Variants in ATL2 observed in about 807,000 individuals in gnomAD.
The protein encoded by ATL2 is atlastin-2.
A neutral mutation model predicts 73.9 loss-of-function variants in ATL2; 31 were observed. The observed-to-expected ratio is 0.42, with a 90% CI of 0.32 to 0.57. ATL2 has a LOEUF of 0.57. Ranked by LOEUF, ATL2 falls within the 20% of genes least tolerant of loss-of-function variation. The probability of loss-of-function intolerance (pLI) is 0.14; values close to 1 mark genes in which losing one functional copy is unlikely to be tolerated. For missense variants in ATL2, 738 were observed against 702.6 expected, an observed-to-expected ratio of 1.05 and a Z score of -0.57; for synonymous variants, 291 against 237.5, an observed-to-expected ratio of 1.23 and a Z score of -2.07.
Position 38,298,448 on chromosome 2 carries a change from C to G in ATL2, c.1328G>C (p.Arg443Pro), listed in dbSNP as rs142044948. 1 of 1,614,138 alleles carries G rather than the reference C, an allele frequency of 6.2e-7. No individual in the cohort carries two copies. Residue 443 changes from arginine (R) to proline (P), a missense_variant, in exon 12 of 13, where the codon CGT (arginine) becomes CCT (proline). Physicochemically the swap from Arg to Pro is moderately radical, Grantham distance 103. Transcript: ENST00000378954. ...TTCAGCTTCAAGCTGGTCCTGATAA[C>G]GACGGCAGAACTCATCTCCACCCAT... is the stretch of plus-strand genomic sequence containing the variant. ...KKMGGDEFCR[R>P]YQDQLEAEIE... is the part of the protein sequence containing the mutation.
At chr2:38,320,741 A>G (rs765479117) in intron 2 of ATL2, among the ~76,000 whole-genome samples, 1 of 152,202 alleles carries the variant, frequency 6.6e-6, no homozygotes, top group African/African-American at 2.4e-5. Context: ...CTAGTCTAAA[A>G]CAAATTACAA....
chr2:38,332,437 C>A (rs1240650521), intron 2 of ATL2, among the ~76,000 whole-genome samples: 2 of 152,120 alleles, frequency 1.3e-5, no homozygotes, highest in East Asian at 1.9e-4. Flanking sequence ...AACTCCTGGG[C>A]TCAAGCAATC....
intron 9 of ATL2, among the ~76,000 whole-genome samples, chr2:38,303,890 G>C (rs962996106): frequency 2.0e-5 from 3 of 152,154 alleles, no homozygotes; most frequent in Admixed American, 1.3e-4. Context: ...CCAGCACTTT[G>C]GGAGGTCAAG....
chr2:38,377,225 T>C lies in ATL2; in HGVS notation c.36A>G (p.Gln12=), dbSNP rs371125036. The C allele has an allele frequency of 7.5e-6, 12 of 1,605,604 alleles. No homozygotes were observed. In the African/African-American group the frequency reaches 1.2e-4, roughly 16 times the overall value. Reference sequence around the variant, plus strand: ...GCCGGCGCCACAGCCCCTGGTGCGGTTGCTGCCCTCGCGCTGCCTCGTCCC... The same window carrying C: ...GCCGGCGCCACAGCCCCTGGTGCGGCTGCTGCCCTCGCGCTGCCTCGTCCC... ...AEGDEAARGQ[Q]PHQGLWRRRR... Residue 12 remains glutamine, a synonymous_variant, in exon 1 of 13, where the codon CAA becomes CAG. Transcript: ENST00000378954.
At chr2:38,357,810 T>C (rs1421761968) in intron 1 of ATL2, among the ~76,000 whole-genome samples, 3 of 152,164 alleles carry the variant, frequency 2.0e-5, no homozygotes, top group African/African-American at 7.2e-5. Flanking sequence ...CTAGTACATA[T>C]GCTTAAAAAT....
intron 1 of ATL2, among the ~76,000 whole-genome samples, chr2:38,356,636 A>C (rs1376070126): frequency 6.6e-6 from 1 of 152,240 alleles, no homozygotes; most frequent in African/African-American, 2.4e-5. Context: ...GACATGTATA[A>C]AAGTTGTTCC....
chr2:38,339,439 T>A (rs1339856068), intron 2 of ATL2, among the ~76,000 whole-genome samples: 2 of 152,104 alleles, frequency 1.3e-5, no homozygotes, highest in Non-Finnish European at 2.9e-5. Context: ...TGCAAATGAA[T>A]CACACTAATG....
chr2:38,308,653 AC>A (rs1387006196), intron 9 of ATL2, among the ~76,000 whole-genome samples: 2 of 152,100 alleles, frequency 1.3e-5, no homozygotes, highest in African/African-American at 4.8e-5. Context: ...GGTGATGGAC[AC>A]CCTATTTACT....
At chr2:38,315,177 G>A (rs191041752) in intron 5 of ATL2, 107 bp downstream of exon 5, 4 of 1,140,446 alleles carry the variant, frequency 3.5e-6, no homozygotes, top group Non-Finnish European at 4.6e-6. Context: ...CTTGAACTTG[G>A]GAGGGGGAGG....
intron 1 of ATL2, among the ~76,000 whole-genome samples, chr2:38,354,958 A>G (rs1343693033): frequency 6.6e-6 from 1 of 152,186 alleles, no homozygotes; most frequent in Non-Finnish European, 1.5e-5. Context: ...CAATGAACCC[A>G]AAGTAAAAAA....
intron 9 of ATL2, among the ~76,000 whole-genome samples, chr2:38,304,403 T>C (rs553737000): frequency 9.5e-4 from 145 of 152,350 alleles, no homozygotes; most frequent in African/African-American, 3.4e-3. Context: ...AAGAGAGTTC[T>C]TCAATCTGAA....
chr2:38,312,994 T>C (rs1667841008), intron 7 of ATL2, among the ~76,000 whole-genome samples, 157 bp downstream of exon 7: 1 of 152,220 alleles, frequency 6.6e-6, no homozygotes, highest in Admixed American at 6.5e-5. Context: ...GCAACCACTT[T>C]ACTTTTCATC....
intron 2 of ATL2, among the ~76,000 whole-genome samples, chr2:38,330,956 C>T (rs6744372): frequency 0.43 from 66,081 of 152,064 alleles, 17,143 homozygotes; most frequent in African/African-American, 0.74. Context: ...CACTTCCTCA[C>T]TTCAAAATTT....
intron 2 of ATL2, 118 bp from the exon 3 acceptor site, chr2:38,319,137 C>A (rs1285151337): frequency 5.1e-5 from 55 of 1,069,422 alleles, no homozygotes; most frequent in Admixed American, 3.9e-4. Flanking sequence ...ACAAAAAAAA[C>A]ACTGTGTAAC....
At chr2:38,345,787 A>G (rs1669982577) in intron 1 of ATL2, among the ~76,000 whole-genome samples, 1 of 152,246 alleles carries the variant, frequency 6.6e-6, no homozygotes, top group South Asian at 2.1e-4. Flanking sequence ...GTTTAAGACC[A>G]TGAAGTAGGG....
intron 1 of ATL2, among the ~76,000 whole-genome samples, chr2:38,365,918 G>T (rs1023878682): frequency 2.0e-5 from 3 of 151,882 alleles, no homozygotes; most frequent in Non-Finnish European, 2.9e-5. Flanking sequence ...TTGCACTCCA[G>T]CCTGGGCGAC....
intron 1 of ATL2, among the ~76,000 whole-genome samples, chr2:38,363,219 T>C (rs979177039): frequency 1.3e-5 from 2 of 152,196 alleles, no homozygotes; most frequent in African/African-American, 4.8e-5. Flanking sequence ...ATTGTCAAAA[T>C]GCATCATCCT....
At chr2:38,356,150 AAAT>A (rs1443417966) in intron 1 of ATL2, among the ~76,000 whole-genome samples, 3 of 152,138 alleles carry the variant, frequency 2.0e-5, no homozygotes, top group Non-Finnish European at 4.4e-5. Context: ...AAAATCATTT[AAAT>A]AATATTTTTA....
At chr2:38,302,321 T>C (rs74258907) in intron 9 of ATL2, among the ~76,000 whole-genome samples, 7,903 of 138,576 alleles carry the variant, frequency 0.057, 525 homozygotes, top group African/African-American at 0.22. Flanking sequence ...AGGCCAGGTG[T>C]GATGGCTCAC....
Sources: gnomAD v4.1 joint callset for allele counts (sites outside exome capture counted in the v4.1 genomes callset) on GRCh38, gnomAD v4.1.1 for gene constraint, MANE v1.5 for transcripts, NCBI Gene and HGNC (gene_info 2026-07-23, HGNC 2026-07-21) for gene names.